The following EFL1 variants were observed in gnomAD, a reference collection of about 807,000 sequenced individuals.
EFL1 encodes the protein elongation factor like GTPase 1.
EFL1 carries 76 observed loss-of-function variants against 126.7 expected under a neutral mutation model. That is an observed-to-expected ratio of 0.60 (90% CI 0.50 to 0.73). EFL1 has a LOEUF of 0.73. EFL1 is among the 30% of genes least tolerant of loss of function. The probability of loss-of-function intolerance (pLI) is 0.00; values close to 1 mark genes in which losing one functional copy is unlikely to be tolerated. For missense variants in EFL1, 1,128 were observed against 1,343.2 expected (o/e 0.84, Z 2.50); for synonymous variants, 410 against 448.4 (o/e 0.91, Z 1.08).
intron 4 of EFL1, among the ~76,000 whole-genome samples, chr15:82,249,127 C>A (rs1234384315): frequency 6.6e-6 from 1 of 151,930 alleles, no homozygotes; most frequent in Admixed American, 6.6e-5. Context: ...TATTCTATAA[C>A]ACACACTAAA....
intron 8 of EFL1, among the ~76,000 whole-genome samples, chr15:82,229,607 T>C (rs1178696654): frequency 6.6e-6 from 1 of 152,118 alleles, no homozygotes; most frequent in Non-Finnish European, 1.5e-5. Context: ...GGTATACTCT[T>C]CCATACACGA....
At chr15:82,195,751 T>C (rs1251351552) in intron 15 of EFL1, among the ~76,000 whole-genome samples, 4 of 152,134 alleles carry the variant, frequency 2.6e-5, no homozygotes, top group Non-Finnish European at 5.9e-5. Flanking sequence ...GAGCACACAG[T>C]CATTCATTTA....
rs538085734 is a variant in EFL1 at position 82,184,915 on chromosome 15, A to T, written c.1751-20931T>A. On this transcript the variant is annotated intron_variant, in intron 15 of 19. Coordinates refer to ENST00000268206, the MANE Select transcript of EFL1 (RefSeq NM_024580.6). ...ATTTGAGGATTTAGAGACAAGAACA[A>T]CTTAGAGTAGTGTGAATAGTAAGTC... Among the ~76,000 whole-genome samples the T allele has an allele frequency of 5.9e-5, 9 of 152,360 alleles. No individual in the cohort carries two copies. In the South Asian group the frequency reaches 1.9e-3, roughly 32 times the overall value.
At chr15:82,259,293 G>A in intron 2 of EFL1, 138 bp from the exon 3 acceptor site, 1 of 724,208 alleles carries the variant, frequency 1.4e-6, no homozygotes, top group Non-Finnish European at 2.4e-6. Flanking sequence ...TGACAAAAGA[G>A]ATTTATTAGA....
chr15:82,160,847 T>C lies in EFL1; in HGVS notation c.1883-2987A>G, dbSNP rs930638355. ...TAACTTCTCTAAGCTTCAGTTTCCC[T>C]CATGTGAAGATGAGAATAAAAAGAG... On this transcript the variant is annotated intron_variant, in intron 16 of 19. Transcript: ENST00000268206. Among the ~76,000 whole-genome samples the C allele has an allele frequency of 5.3e-5, 8 of 152,290 alleles. No individual in the cohort carries two copies. The East Asian group carries it at 5.8e-4, about 11-fold the overall frequency.
At chr15:82,181,934 A>G (rs2074256119) in intron 15 of EFL1, among the ~76,000 whole-genome samples, 1 of 152,154 alleles carries the variant, frequency 6.6e-6, no homozygotes. Context: ...TGCTCCATGT[A>G]CAAAATTAAT....
At chr15:82,177,323 TAAAC>T (rs1312656714) in intron 15 of EFL1, among the ~76,000 whole-genome samples, 1 of 152,146 alleles carries the variant, frequency 6.6e-6, no homozygotes, top group Non-Finnish European at 1.5e-5. Context: ...CTAATAAAAA[TAAAC>T]CATTTCAGAA....
chr15:82,212,197 A>G (rs941531463), intron 15 of EFL1, among the ~76,000 whole-genome samples: 5 of 152,382 alleles, frequency 3.3e-5, no homozygotes, highest in Admixed American at 1.3e-4. Flanking sequence ...CAGCAATAAA[A>G]TGTACTCCAT....
intron 12 of EFL1, 143 bp downstream of exon 12, chr15:82,225,022 T>A (rs187129799): frequency 3.7e-6 from 2 of 545,770 alleles, no homozygotes; most frequent in Admixed American, 7.4e-5. Flanking sequence ...ATAAATTGTA[T>A]GTTACCCTGG....
chr15:82,209,491 C>T (rs2074562398), intron 15 of EFL1, among the ~76,000 whole-genome samples: 1 of 152,130 alleles, frequency 6.6e-6, no homozygotes, highest in South Asian at 2.1e-4. Context: ...AGAATATGTC[C>T]TTGAACTTTT....
intron 17 of EFL1, 42 bp downstream of exon 17, chr15:82,157,671 T>C (rs1454404609): frequency 2.5e-6 from 4 of 1,581,360 alleles, no homozygotes; most frequent in Non-Finnish European, 2.6e-6. Context: ...ATCCCATTGA[T>C]TGAGAGCTAT....
At chr15:82,164,896 CAA>C (rs1240782656) in intron 15 of EFL1, among the ~76,000 whole-genome samples, 9 of 91,566 alleles carry the variant, frequency 9.8e-5, no homozygotes, top group Admixed American at 5.0e-4. Flanking sequence ...GATTCCACCT[CAA>C]AAAAAAAAAA....
At chr15:82,215,388 A>G (rs1459362153) in intron 14 of EFL1, among the ~76,000 whole-genome samples, 1 of 152,184 alleles carries the variant, frequency 6.6e-6, no homozygotes, top group African/African-American at 2.4e-5. Context: ...TATATGCTAT[A>G]TTGTTCATAT....
At chr15:82,137,564 G>A (rs1023222721) in intron 19 of EFL1, among the ~76,000 whole-genome samples, 1 of 152,176 alleles carries the variant, frequency 6.6e-6, no homozygotes, top group Non-Finnish European at 1.5e-5. Flanking sequence ...AAAACTCAGG[G>A]AGGGTCCATG....
intron 15 of EFL1, among the ~76,000 whole-genome samples, chr15:82,180,590 C>CA (rs1437742302): frequency 3.3e-5 from 5 of 151,572 alleles, no homozygotes; most frequent in South Asian, 2.1e-4. Context: ...GATCCAGTAG[C>CA]AAAAAAACAC....
At chr15:82,210,647 A>G (rs948559526) in intron 15 of EFL1, among the ~76,000 whole-genome samples, 1 of 152,090 alleles carries the variant, frequency 6.6e-6, no homozygotes, top group Non-Finnish European at 1.5e-5. Context: ...AAATCACCTG[A>G]GGTCAGGAGT....
chr15:82,249,334 C>G lies in EFL1; in HGVS notation c.244+3357G>C, dbSNP rs544178087. The stretch of plus-strand genomic sequence containing the variant: ...ACATTGAAATATACATACATATATA[C>G]TATATATGCAATATACCTAATATGT... On this transcript the variant is annotated intron_variant, in intron 4 of 19. Transcript: ENST00000268206. Among the ~76,000 whole-genome samples, 5 of 151,318 alleles carry G rather than the reference C, an allele frequency of 3.3e-5. No individual in the cohort carries two copies. The East Asian group carries it at 9.7e-4, about 29-fold the overall frequency.
intron 4 of EFL1, among the ~76,000 whole-genome samples, chr15:82,250,715 A>C (rs2075013149): frequency 6.6e-6 from 1 of 152,168 alleles, no homozygotes; most frequent in African/African-American, 2.4e-5. Flanking sequence ...AAGGATCCAT[A>C]AACTTTTACT....
intron 15 of EFL1, among the ~76,000 whole-genome samples, chr15:82,175,678 A>G (rs955962441): frequency 2.0e-4 from 30 of 152,070 alleles, no homozygotes; most frequent in African/African-American, 7.2e-4. Context: ...ACATGGCAAA[A>G]CCCCGTCTCT....
Sources: allele counts gnomAD v4.1 joint callset (sites outside exome capture counted in the v4.1 genomes callset), GRCh38; gene constraint gnomAD v4.1.1; transcripts MANE v1.5; gene names NCBI Gene and HGNC (gene_info 2026-07-23, HGNC 2026-07-21).